The following MBNL1 variants were observed in gnomAD, a reference collection of about 807,000 sequenced individuals.
The protein encoded by MBNL1 is muscleblind like splicing regulator 1.
In MBNL1, 8 loss-of-function variants were observed where a neutral mutation model predicts 42.2. The observed-to-expected ratio is 0.19, with a 90% CI of 0.11 to 0.34. The LOEUF is 0.34. MBNL1 is among the 10% of genes least tolerant of loss of function. The pLI is 1.00. For missense variants in MBNL1, 309 were observed against 495.3 expected, an observed-to-expected ratio of 0.62 and a Z score of 3.57; for synonymous variants, 169 against 173.9, an observed-to-expected ratio of 0.97 and a Z score of 0.22.
At chr3:152,318,281 G>T (rs2073619126) in intron 2 of MBNL1, among the ~76,000 whole-genome samples, 1 of 152,182 alleles carries the variant, frequency 6.6e-6, no homozygotes, top group Non-Finnish European at 1.5e-5. Context: ...CATTTTGAAA[G>T]TGGTTTGATC....
At chr3:152,275,637 G>T (rs2044591728) in intron 1 of MBNL1, among the ~76,000 whole-genome samples, 1 of 150,440 alleles carries the variant, frequency 6.6e-6, no homozygotes, top group African/African-American at 2.4e-5. Context: ...GAACTCGGGA[G>T]GCGGAGGTTG....
intron 2 of MBNL1, among the ~76,000 whole-genome samples, chr3:152,381,906 C>G (rs1378757194): frequency 3.3e-5 from 5 of 152,048 alleles, no homozygotes; most frequent in African/African-American, 1.2e-4. Context: ...TTAACCTATA[C>G]TTCAGTTTTT....
At chr3:152,455,754 C>A (rs1430888365) in intron 7 of MBNL1, among the ~76,000 whole-genome samples, 177 bp downstream of exon 7, 1 of 152,156 alleles carries the variant, frequency 6.6e-6, no homozygotes, top group Non-Finnish European at 1.5e-5. Context: ...TAAGTGTTTT[C>A]TTTACACACA....
upstream of MBNL1, chr3:152,267,878 G>A (rs1258191569): frequency 1.3e-5 from 2 of 152,156 alleles, no homozygotes; most frequent in Non-Finnish European, 2.9e-5. Flanking sequence ...ACCATATCCA[G>A]CATTTTTGTC....
At chr3:152,303,058 GTATT>G (rs2061396547) in intron 2 of MBNL1, among the ~76,000 whole-genome samples, 1 of 151,330 alleles carries the variant, frequency 6.6e-6, no homozygotes, top group Admixed American at 6.6e-5. Flanking sequence ...GTTCAAGAAA[GTATT>G]CATTTATGTA....
At chr3:152,368,490 T>C (rs977639339) in intron 2 of MBNL1, among the ~76,000 whole-genome samples, 1 of 152,182 alleles carries the variant, frequency 6.6e-6, no homozygotes, top group African/African-American at 2.4e-5. Context: ...TCTTGGCTTA[T>C]ACAGGCTCTT....
chr3:152,313,948 G>A (rs1032902984), intron 2 of MBNL1, among the ~76,000 whole-genome samples: 5 of 152,142 alleles, frequency 3.3e-5, no homozygotes, highest in African/African-American at 4.8e-5. Context: ...AAAAATGGTT[G>A]TAGCCATCTG....
In MBNL1 at chr3:152,255,162, A is replaced by G. The variant is rs968128381; in HGVS notation, n.333+10722A>G. On this transcript the variant is annotated intron_variant and non_coding_transcript_variant, in intron 2 of 2. Coordinates refer to the MBNL1 transcript ENST00000477171. ...CATAAAAAATAGAAGGTGCCACATG[A>G]AAGATCAAAATAATTTAGAACTGTA... Among the ~76,000 whole-genome samples, 27 of 152,260 alleles carry G rather than the reference A, an allele frequency of 1.8e-4. No individual in the cohort carries two copies. The South Asian group carries it at 1.9e-3, about 11-fold the overall frequency.
intron 1 of MBNL1, among the ~76,000 whole-genome samples, chr3:152,270,470 G>C (rs775248492): frequency 3.3e-5 from 5 of 152,178 alleles, no homozygotes; most frequent in Non-Finnish European, 5.9e-5. Flanking sequence ...CAGCACAAGA[G>C]AGCCACTCCA....
chr3:152,283,446 G>A (rs1442559411), intron 1 of MBNL1, among the ~76,000 whole-genome samples: 2 of 152,170 alleles, frequency 1.3e-5, no homozygotes, highest in African/African-American at 4.8e-5. Flanking sequence ...TACTTATGAT[G>A]AAATTGAGCA....
intron 2 of MBNL1, chr3:152,338,658 C>T: frequency 5.1e-6 from 5 of 985,294 alleles, no homozygotes; most frequent in Non-Finnish European, 6.0e-6. Context: ...GAAACCTCTC[C>T]AGAAGATATG....
chr3:152,444,257 A>T (rs1407597930), intron 4 of MBNL1, among the ~76,000 whole-genome samples: 1 of 152,184 alleles, frequency 6.6e-6, no homozygotes, highest in African/African-American at 2.4e-5. Context: ...AGTATCCTGA[A>T]TGAAGACTGC....
intron 2 of MBNL1, among the ~76,000 whole-genome samples, chr3:152,345,663 CA>C (rs1382472849): frequency 2.6e-5 from 4 of 152,042 alleles, no homozygotes; most frequent in Non-Finnish European, 5.9e-5. Context: ...ACATAATTTG[CA>C]GAAACTACTA....
upstream of MBNL1, chr3:152,264,708 G>T (rs1360875150): frequency 6.6e-6 from 1 of 152,078 alleles, no homozygotes; most frequent in Non-Finnish European, 1.5e-5. Flanking sequence ...AAATGTATTT[G>T]CTTACTGTCT....
intron 6 of MBNL1, 32 bp from the exon 7 acceptor site, chr3:152,455,510 T>A (rs2153948374): frequency 6.3e-7 from 1 of 1,598,878 alleles, no homozygotes; most frequent in East Asian, 2.2e-5. Context: ...CCTTTTCAAA[T>A]CCACCTTCCT....
chr3:152,424,347 C>T (rs2098862449), intron 3 of MBNL1, among the ~76,000 whole-genome samples: 1 of 152,004 alleles, frequency 6.6e-6, no homozygotes, highest in South Asian at 2.1e-4. Flanking sequence ...AATAAATTAC[C>T]TATGGATATA....
intron 2 of MBNL1, among the ~76,000 whole-genome samples, chr3:152,401,931 C>T (rs1389643034): frequency 1.3e-5 from 2 of 151,198 alleles, no homozygotes; most frequent in African/African-American, 4.9e-5. Flanking sequence ...ACTCGGGAGG[C>T]TGAGGCAGGA....
intron 1 of MBNL1, among the ~76,000 whole-genome samples, chr3:152,279,716 A>G (rs2047311417): frequency 6.6e-6 from 1 of 152,132 alleles, no homozygotes; most frequent in African/African-American, 2.4e-5. Context: ...CCTCAGAGGA[A>G]GCTTGTGAAG....
intron 2 of MBNL1, among the ~76,000 whole-genome samples, chr3:152,404,490 T>G (rs535024554): frequency 2.3e-4 from 35 of 152,216 alleles, no homozygotes; most frequent in African/African-American, 8.2e-4. Context: ...ATCTAGCAGG[T>G]ACAAATACAA....
Sources: gnomAD v4.1 joint callset for allele counts (sites outside exome capture counted in the v4.1 genomes callset) on GRCh38, gnomAD v4.1.1 for gene constraint, MANE v1.5 for transcripts, NCBI Gene and HGNC (gene_info 2026-07-23, HGNC 2026-07-21) for gene names.